Variants in KIAA1143 observed in about 807,000 individuals in gnomAD.
KIAA1143 encodes uncharacterized protein KIAA1143.
Under a neutral mutation model 17.0 loss-of-function variants are expected in KIAA1143, and 8 were observed. The observed-to-expected ratio is 0.47, with a 90% CI of 0.28 to 0.85. The LOEUF (loss-of-function observed/expected upper bound fraction) is 0.85. KIAA1143 is among the 40% of genes least tolerant of loss of function. KIAA1143 has a pLI of 0.12. For missense variants in KIAA1143, 162 were observed against 183.3 expected (o/e 0.88, Z 0.67); for synonymous variants, 64 against 67.8 (o/e 0.94, Z 0.27).
At chr3:44,761,446 GTGGCGGGC>G in intron 1 of KIAA1143, 41 bp downstream of exon 1, 1 of 1,456,828 alleles carries the variant, frequency 6.9e-7, no homozygotes, top group Non-Finnish European at 9.5e-7. Context: ...AAAGTTGAAA[GTGGCGGGC>G]TGGCTGCGCT....
intron 1 of KIAA1143, among the ~76,000 whole-genome samples, chr3:44,757,736 G>A (rs764111457): frequency 1.2e-4 from 19 of 152,208 alleles, no homozygotes; most frequent in Non-Finnish European, 8.8e-5. Flanking sequence ...GAAGGGTTTC[G>A]GAGAGATGGT....
chr3:44,756,792 C>T (rs1040176886), intron 1 of KIAA1143, among the ~76,000 whole-genome samples: 3 of 152,120 alleles, frequency 2.0e-5, no homozygotes, highest in African/African-American at 4.8e-5. Flanking sequence ...AGCAAATTCA[C>T]ACAACTTTTA....
rs773440788 is a variant in KIAA1143, at chr3:44,754,359, G to A, written c.118C>T (p.Pro40Ser). 1.9e-6 allele frequency: 3 copies of A among 1,613,886 alleles called. No homozygotes were observed. The East Asian group carries it at 6.7e-5, about 36-fold the overall frequency. The stretch of plus-strand genomic sequence containing the variant: ...TCCCCATCTTCATCTGGGGGCTGAG[G>A]CTGAATTCTCTAGGGAAAAACACAA... ...GPTVETKRIQ[P>S]QPPDEDGDHS... Residue 40 changes from proline (P) to serine (S), a missense_variant, in exon 2 of 3, where the codon CCT (proline) becomes TCT (serine). Physicochemically the swap from Pro to Ser is moderately conservative, Grantham distance 74. This residue lies in a region of KIAA1143 where 137 missense variants were observed against 132.5 expected (regional missense o/e 1.03). Coordinates refer to ENST00000296121, the MANE Select transcript of KIAA1143 (RefSeq NM_020696.4).
At chr3:44,761,044 C>T (rs1344761849) in intron 1 of KIAA1143, among the ~76,000 whole-genome samples, 1 of 152,108 alleles carries the variant, frequency 6.6e-6, no homozygotes, top group African/African-American at 2.4e-5. Context: ...GAAACAGATT[C>T]AGGACATTCC....
intron 1 of KIAA1143, among the ~76,000 whole-genome samples, chr3:44,757,505 GCA>G (rs929101954): frequency 2.6e-5 from 4 of 152,144 alleles, no homozygotes; most frequent in African/African-American, 9.7e-5. Flanking sequence ...CCTGATAACA[GCA>G]CAGTCACCAA....
At chr3:44,758,750 T>C (rs1705012778) in intron 1 of KIAA1143, among the ~76,000 whole-genome samples, 1 of 152,214 alleles carries the variant, frequency 6.6e-6, no homozygotes, top group Non-Finnish European at 1.5e-5. Flanking sequence ...ATCATGGATG[T>C]TCTTAACGTG....
intron 1 of KIAA1143, among the ~76,000 whole-genome samples, chr3:44,755,809 C>T (rs185665081): frequency 3.0e-4 from 46 of 152,320 alleles, no homozygotes; most frequent in African/African-American, 1.1e-3. Flanking sequence ...TGGAGAGGCA[C>T]AAAGCCTGGA....
chr3:44,753,434 A>G lies in KIAA1143; in HGVS notation c.372T>C (p.Asp124=). ...ASSKKKKPNE[D]EVNQDSVKKN... is the part of the protein sequence containing the mutation. ...TTTTGACCGAGTCCTGATTTACTTC[A>G]TCTTCATTTGGCTTCTTCTTTTTTG... is the stretch of plus-strand genomic sequence containing the variant. Residue 124 remains aspartate (D), a synonymous_variant, in exon 3 of 3, where the codon GAT becomes GAC. Transcript: ENST00000296121. 3.1e-6 allele frequency: 5 copies of G among 1,598,758 alleles called. No individual in the cohort carries two copies. Among genetic ancestry groups the G allele is most frequent in the Non-Finnish European group, 4.3e-6 (5 of 1,166,474 alleles).
chr3:44,748,944 A>T lies in KIAA1143; in HGVS notation c.*4397T>A, dbSNP rs1704854498. 6.6e-6 allele frequency: 1 copy of T among 152,108 alleles called. No individual in the cohort carries two copies. Among genetic ancestry groups the T allele is most frequent in the Non-Finnish European group, 1.5e-5 (1 of 68,028 alleles). 9.4% of individuals were successfully genotyped at this position (152,108 alleles called of 1,614,324 possible). On this transcript the variant is annotated 3_prime_UTR_variant, in exon 3 of 3. Transcript: ENST00000296121. ...GCAATGATACAAATTAGGGGAAAAAACCCTGGCTTCTATAACAAGTGAGTA... is the reference window on the plus strand; with the variant it reads ...GCAATGATACAAATTAGGGGAAAAATCCCTGGCTTCTATAACAAGTGAGTA...
At position 44,754,144 on chromosome 3, in the gene KIAA1143, C is replaced by G. The variant is rs934609354; in HGVS notation, c.253+80G>C. ...CCGGAACTGCCACCTTGAAACACAC[C>G]ACACTACTAAATAAAATAAACAATT... On this transcript the variant is annotated intron_variant, in intron 2 of 2. Coordinates refer to ENST00000296121, the MANE Select transcript of KIAA1143 (RefSeq NM_020696.4). 5 of 1,453,130 alleles carry G rather than the reference C, an allele frequency of 3.4e-6. No individual in the cohort carries two copies. In the African/African-American group the frequency reaches 5.6e-5, roughly 16 times the overall value. The allele number at this position is 1,453,130 out of a possible 1,614,324, so 90.0% of individuals were successfully genotyped here. A position where few individuals can be genotyped will look rare whatever the true frequency, so the allele number is the denominator to read the frequency against.
In KIAA1143 at chr3:44,750,226, AAACT is replaced by A. The variant is rs1486027290; in HGVS notation, c.*3111_*3114del. 8.5e-5 allele frequency: 13 copies of A among 152,346 alleles called. No individual in the cohort carries two copies. Among genetic ancestry groups the A allele is most frequent in the African/African-American group, 3.1e-4 (13 of 41,568 alleles). 9.4% of individuals were successfully genotyped at this position (152,346 alleles called of 1,614,324 possible). On this transcript the variant is annotated 3_prime_UTR_variant, in exon 3 of 3. Coordinates refer to ENST00000296121, the MANE Select transcript of KIAA1143 (RefSeq NM_020696.4). ...AGTTAATTCAAAAACTTTTGACCTT[AAACT>A]AACTTTTTGGATATTAGGCTTCCTG...
At chr3:44,753,954 T>TA (rs893229040) in intron 2 of KIAA1143, among the ~76,000 whole-genome samples, 57 of 146,236 alleles carry the variant, frequency 3.9e-4, no homozygotes, top group Middle Eastern at 3.5e-3. Context: ...ACCATCTATT[T>TA]AAAAAAAAAA....
At chr3:44,759,531 G>C (rs1291749868) in intron 1 of KIAA1143, among the ~76,000 whole-genome samples, 1 of 152,078 alleles carries the variant, frequency 6.6e-6, no homozygotes, top group African/African-American at 2.4e-5. Flanking sequence ...AAAGTCACCA[G>C]CTGCATTAGC....
chr3:44,754,490 T>G (rs1275774821), intron 1 of KIAA1143, 122 bp from the exon 2 acceptor site: 4 of 943,600 alleles, frequency 4.2e-6, no homozygotes, highest in Non-Finnish European at 4.8e-6. Context: ...ATAAGGGCAA[T>G]GAATTTTAAG....
intron 1 of KIAA1143, among the ~76,000 whole-genome samples, chr3:44,755,576 C>T (rs1340893492): frequency 1.3e-5 from 2 of 152,166 alleles, no homozygotes; most frequent in Admixed American, 6.5e-5. Flanking sequence ...AATATATTAG[C>T]TCCTTTGCTT....
chr3:44,761,378 G>T, intron 1 of KIAA1143, 117 bp downstream of exon 1: 1 of 709,370 alleles, frequency 1.4e-6, no homozygotes, highest in South Asian at 1.8e-5. Context: ...CACCGGAATT[G>T]GGTTCGAGCG....
Position 44,759,100 on chromosome 3 carries a change from G to T in KIAA1143, c.108+2395C>A, listed in dbSNP as rs2125880992. ...GCTGGTCTTGAACTCCTGGGCTCAA[G>T]CAATCCACCTGCCTTGACTTCCCAA... On this transcript the variant is annotated intron_variant, in intron 1 of 2. Transcript: ENST00000296121. Among the ~76,000 whole-genome samples the T allele has an allele frequency of 1.3e-5, 2 of 152,262 alleles. 1 individual carries two copies. Among genetic ancestry groups the T allele is most frequent in the Admixed American group, 1.3e-4 (2 of 15,298 alleles).
intron 1 of KIAA1143, among the ~76,000 whole-genome samples, chr3:44,755,964 A>G (rs1704964257): frequency 6.6e-6 from 1 of 152,256 alleles, no homozygotes; most frequent in South Asian, 2.1e-4. Context: ...CTATCACTGC[A>G]CAAGTACATT....
chr3:44,758,248 C>T (rs958608343), intron 1 of KIAA1143, among the ~76,000 whole-genome samples: 5 of 152,066 alleles, frequency 3.3e-5, no homozygotes, highest in Admixed American at 1.3e-4. Context: ...TGCTGAAAGG[C>T]GGGGTGGCTG....
Sources: gnomAD v4.1 joint callset for allele counts (sites outside exome capture counted in the v4.1 genomes callset) on GRCh38, gnomAD v4.1.1 for gene constraint, gnomAD v4.1.1 regional missense constraint, MANE v1.5 for transcripts, NCBI Gene and HGNC (gene_info 2026-07-23, HGNC 2026-07-21) for gene names.